Variants in NTM observed in about 807,000 individuals in gnomAD.
NTM encodes the protein IgLON family member 2.
Under a neutral mutation model 42.1 loss-of-function variants are expected in NTM, and 13 were observed. The observed-to-expected ratio is 0.31, with a 90% CI of 0.20 to 0.49. The LOEUF is 0.49. NTM is among the 20% of genes least tolerant of loss of function. The pLI is 0.99. For synonymous variants in NTM, 187 were observed against 179.2 expected (o/e 1.04, Z -0.35); for missense variants, 373 against 452.8 (o/e 0.82, Z 1.60).
intron 2 of NTM, among the ~76,000 whole-genome samples, chr11:132,118,328 T>C (rs1236041657): frequency 6.6e-6 from 1 of 152,164 alleles, no homozygotes; most frequent in Non-Finnish European, 1.5e-5. Context: ...CTTAGGTGAA[T>C]GGTTGGGAAT....
chr11:131,948,626 G>A (rs1254416033), intron 2 of NTM, among the ~76,000 whole-genome samples: 2 of 152,098 alleles, frequency 1.3e-5, no homozygotes, highest in Non-Finnish European at 2.9e-5. Flanking sequence ...TTTTGTACTT[G>A]CTGTTCTCTC....
chr11:132,220,395 T>C lies in NTM; in HGVS notation c.526+8248T>C, dbSNP rs116284801. 8.1e-3 allele frequency among the ~76,000 whole-genome samples: 1,230 copies of C among 152,330 alleles called. 16 individuals are homozygous for C. The highest frequency in any genetic ancestry group is 0.028 in the African/African-American group (1,162 of 41,578). ...TACTGCTAGATAGATGCAGTTAGGG[T>C]AAAATTTGCCAGTGTCAATAGGGGT... On this transcript the variant is annotated intron_variant, in intron 4 of 8. Transcript: ENST00000683400.
intron 3 of NTM, among the ~76,000 whole-genome samples, chr11:132,205,839 T>C (rs931182211): frequency 1.3e-5 from 2 of 152,160 alleles, no homozygotes; most frequent in Non-Finnish European, 2.9e-5. Context: ...AACATAATAG[T>C]AATATTCTTC....
intron 4 of NTM, among the ~76,000 whole-genome samples, chr11:132,273,323 T>G (rs1156519920): frequency 6.9e-6 from 1 of 145,352 alleles, no homozygotes. Flanking sequence ...TTTTTTTTTT[T>G]TTTTTTTTTT....
chr11:131,928,260 C>T (rs937196393), intron 2 of NTM, among the ~76,000 whole-genome samples: 7 of 152,280 alleles, frequency 4.6e-5, no homozygotes, highest in Admixed American at 3.9e-4. Context: ...ACTTATAATA[C>T]TTATCGTAAG....
At chr11:131,580,546 A>G (rs2058317438) in intron 1 of NTM, among the ~76,000 whole-genome samples, 1 of 152,156 alleles carries the variant, frequency 6.6e-6, no homozygotes, top group East Asian at 1.9e-4. Flanking sequence ...GGCCAGGGCT[A>G]TTCCGTAGGG....
At chr11:132,030,865 C>T (rs2075825410) in intron 2 of NTM, among the ~76,000 whole-genome samples, 1 of 152,182 alleles carries the variant, frequency 6.6e-6, no homozygotes. Flanking sequence ...AACTCATGGG[C>T]TTACAAAATA....
intron 1 of NTM, among the ~76,000 whole-genome samples, chr11:131,449,649 C>T (rs1316085154): frequency 6.6e-6 from 1 of 152,250 alleles, no homozygotes. Context: ...CCTCCGTGCT[C>T]TCTCTGTTCT....
chr11:132,222,197 ACTT>A (rs1394464909), intron 4 of NTM, among the ~76,000 whole-genome samples: 1 of 152,010 alleles, frequency 6.6e-6, no homozygotes, highest in Admixed American at 6.6e-5. Context: ...TGGAGGTTGG[ACTT>A]CTTCCTCACT....
chr11:131,517,872 A>C (rs2049099568), intron 1 of NTM, among the ~76,000 whole-genome samples: 1 of 151,970 alleles, frequency 6.6e-6, no homozygotes, highest in Non-Finnish European at 1.5e-5. Context: ...TGCATGGTCC[A>C]TCTGTACCAC....
At chr11:131,768,597 A>G (rs573584924) in intron 1 of NTM, among the ~76,000 whole-genome samples, 1 of 152,340 alleles carries the variant, frequency 6.6e-6, no homozygotes, top group East Asian at 1.9e-4. Flanking sequence ...AACAATGGGT[A>G]AACAAACAGC....
intron 2 of NTM, among the ~76,000 whole-genome samples, chr11:132,057,584 C>T (rs1402709747): frequency 6.6e-6 from 1 of 152,208 alleles, no homozygotes; most frequent in Non-Finnish European, 1.5e-5. Context: ...GCTGTGCTGC[C>T]CCTTCCTTTC....
At position 131,886,154 on chromosome 11, in the gene NTM, G is replaced by A. The variant is rs1024014026; in HGVS notation, c.83-25410G>A. ...AAGGCTCAGTGAAGCCAGTGCCTGA[G>A]TTTGATTTAATCCTGTCCAGTTCAC... On this transcript the variant is annotated intron_variant, in intron 1 of 8. Transcript: ENST00000683400. Among the ~76,000 whole-genome samples the A allele has an allele frequency of 1.6e-4, 25 of 152,298 alleles. 1 individual carries two copies. Among genetic ancestry groups the A allele is most frequent in the African/African-American group, 6.0e-4 (25 of 41,562 alleles).
In NTM at chr11:131,592,858, G is replaced by A. The variant is rs537754562; in HGVS notation, c.82+221970G>A. ...GCCTCCCCACAATGCTGGGCTCAGA[G>A]CAGATGTGCAGCAGCCTGCCATCAT... On this transcript the variant is annotated intron_variant, in intron 1 of 8. Coordinates refer to ENST00000683400, the MANE Select transcript of NTM (RefSeq NM_001352005.2). Among the ~76,000 whole-genome samples the A allele has an allele frequency of 3.3e-5, 5 of 152,294 alleles. No individual in the cohort carries two copies. The South Asian group carries it at 1.0e-3, about 32-fold the overall frequency.
intron 1 of NTM, among the ~76,000 whole-genome samples, chr11:131,381,675 C>T (rs1409356445): frequency 6.6e-6 from 1 of 152,180 alleles, no homozygotes; most frequent in Non-Finnish European, 1.5e-5. Context: ...CCTGTCTCCT[C>T]CCCAAGGCAA....
At chr11:131,775,269 G>A (rs2086781219) in intron 1 of NTM, among the ~76,000 whole-genome samples, 2 of 152,142 alleles carry the variant, frequency 1.3e-5, no homozygotes. Context: ...CCTTTATTTA[G>A]TTTACTTGGT....
At chr11:131,781,341 A>G (rs73595130) in intron 1 of NTM, among the ~76,000 whole-genome samples, 3,925 of 152,228 alleles carry the variant, frequency 0.026, 171 homozygotes, top group African/African-American at 0.09. Context: ...GTTCATAAAA[A>G]CAAATCATAC....
At chr11:132,172,957 A>C (rs1323962997) in intron 3 of NTM, among the ~76,000 whole-genome samples, 1 of 152,216 alleles carries the variant, frequency 6.6e-6, no homozygotes, top group African/African-American at 2.4e-5. Context: ...ATCAATTGTA[A>C]TACCAAAGGA....
At chr11:131,609,655 G>A (rs1190583506) in intron 1 of NTM, among the ~76,000 whole-genome samples, 1 of 152,210 alleles carries the variant, frequency 6.6e-6, no homozygotes, top group Non-Finnish European at 1.5e-5. Flanking sequence ...TTTTGTATGA[G>A]TAACAATGCC....
Sources: allele counts gnomAD v4.1 joint callset (sites outside exome capture counted in the v4.1 genomes callset), GRCh38; gene constraint gnomAD v4.1.1; transcripts MANE v1.5; gene names NCBI Gene and HGNC (gene_info 2026-07-23, HGNC 2026-07-21).